LENG8: variants seen among roughly 807,000 people sequenced by gnomAD.
The protein encoded by LENG8 is leukocyte receptor cluster member 8.
A neutral mutation model predicts 102.1 loss-of-function variants in LENG8; 28 were observed. The ratio of observed to expected loss-of-function variants is 0.27; its 90% CI spans 0.20 to 0.38. LENG8 has a LOEUF of 0.38. Among genes scored for constraint, LENG8 ranks in the 10% least tolerant of loss-of-function variants. The probability of loss-of-function intolerance (pLI) is 1.00; values close to 1 mark genes in which losing one functional copy is unlikely to be tolerated. For synonymous variants in LENG8, 531 were observed against 456.7 expected, an observed-to-expected ratio of 1.16 and a Z score of -2.07; for missense variants, 1,022 against 1,113.9, an observed-to-expected ratio of 0.92 and a Z score of 1.17.
intron 10 of LENG8, 36 bp from the exon 11 acceptor site, chr19:54,456,600 C>A: frequency 6.3e-7 from 1 of 1,577,718 alleles, no homozygotes; most frequent in Non-Finnish European, 8.6e-7. Flanking sequence ...GGGCTGGAGA[C>A]GCCTGTCGCG....
rs764370659 is a variant in LENG8 at position 54,458,230 on chromosome 19, G to A, written c.2030G>A (p.Gly677Glu). 2 of 1,614,212 alleles carry A rather than the reference G, an allele frequency of 1.2e-6. No homozygotes were observed. Among genetic ancestry groups the A allele is most frequent in the South Asian group, 1.1e-5 (1 of 91,086 alleles). ...ILYYIFTKNSGDITTELAYLT... is the reference protein window; with the variant it reads ...ILYYIFTKNSEDITTELAYLT... ...TACTACATCTTCACCAAGAACTCGG[G>A]AGGTGAGGCCCAGTCCCCAGGACAG... Residue 677 changes from glycine to glutamate, a missense_variant and splice_region_variant, in exon 14 of 16, where the codon GGA becomes GAA. Physicochemically the swap from Gly to Glu is moderately conservative, Grantham distance 98. Around this residue, in one of 7 missense-constraint regions of LENG8, gnomAD observed 158 missense variants for 229.0 expected, o/e 0.69. Coordinates refer to ENST00000326764, the MANE Select transcript of LENG8 (RefSeq NM_052925.4).
chr19:54,460,156 G>T (rs1005659271), intron 15 of LENG8: 2 of 1,290,016 alleles, frequency 1.6e-6, no homozygotes, highest in Non-Finnish European at 2.0e-6. Flanking sequence ...CGGGTTCTAG[G>T]ACTTAGTGCC....
intron 11 of LENG8, among the ~76,000 whole-genome samples, chr19:54,457,134 G>C (rs2084292335): frequency 6.6e-6 from 1 of 152,262 alleles, no homozygotes; most frequent in African/African-American, 2.4e-5. Context: ...AGCTTGGCCG[G>C]CGAATCGCTT....
chr19:54,457,691 C>A, intron 11 of LENG8, 56 bp from the exon 12 acceptor site: 1 of 1,240,464 alleles, frequency 8.1e-7, no homozygotes, highest in Non-Finnish European at 1.2e-6. Flanking sequence ...AAGTGGAAGC[C>A]GTTGGCCACG....
chr19:54,458,155 C>T lies in LENG8; in HGVS notation c.1955C>T (p.Ala652Val), dbSNP rs1161449088. The T allele has an allele frequency of 1.2e-6, 2 of 1,614,170 alleles. No individual in the cohort carries two copies. Among genetic ancestry groups the T allele is most frequent in the South Asian group, 2.2e-5 (2 of 91,090 alleles). Residue 652 changes from alanine to valine, a missense_variant, in exon 14 of 16, where the codon GCC becomes GTC. By Grantham distance (64) the Ala-to-Val change is moderately conservative. Transcript: ENST00000326764. Reference sequence around the variant, plus strand: ...CAGACGCAGCTCAAGTCGCTGTACGCCGAGAACTTGCCTGGCAATGTGGGC... The same window carrying T: ...CAGACGCAGCTCAAGTCGCTGTACGTCGAGAACTTGCCTGGCAATGTGGGC... Reference protein sequence around the residue: ...QCQTQLKSLYAENLPGNVGEF... With the variant: ...QCQTQLKSLYVENLPGNVGEF...
In LENG8 at chr19:54,454,665, T is replaced by C. The variant is rs773402104; in HGVS notation, c.662T>C (p.Leu221Pro). 1 of 1,600,160 alleles carries C rather than the reference T, an allele frequency of 6.2e-7. No homozygotes were observed. Among genetic ancestry groups the C allele is most frequent in the African/African-American group, 1.3e-5 (1 of 74,802 alleles). The change falls in exon 6 of 16, where the codon CTG (leucine) becomes CCG (proline). Residue 221 changes from leucine to proline, a missense_variant. Physicochemically the swap from Leu to Pro is moderately conservative, Grantham distance 98. Transcript: ENST00000326764. ...EPAKPKKGQQ[L>P]WNRMKPAPGT... ...GCCAAGCCCAAGAAGGGCCAACAGC[T>C]GTGGAACCGCATGAAACGTAAGTTG... is the stretch of plus-strand genomic sequence containing the variant.
chr19:54,455,943 C>T lies in LENG8; in HGVS notation c.1026-24C>T, dbSNP rs532105931. The T allele has an allele frequency of 1.0e-4, 164 of 1,597,118 alleles. No homozygotes were observed. The South Asian group carries it at 1.4e-3, about 14-fold the overall frequency. The stretch of plus-strand genomic sequence containing the variant: ...TGCCAGTGTCTGGCGGGGTTGGTGA[C>T]GCCCTGCCCTGCTGTATTCTCAGGC... On this transcript the variant is annotated intron_variant, in intron 8 of 15. Coordinates refer to ENST00000326764, the MANE Select transcript of LENG8 (RefSeq NM_052925.4).
At chr19:54,458,750 C>G in intron 15 of LENG8, 1 of 1,551,352 alleles carries the variant, frequency 6.4e-7, no homozygotes, top group South Asian at 1.2e-5. Flanking sequence ...CCCACTGTTC[C>G]CAGCTCACTG....
intron 8 of LENG8, 104 bp from the exon 9 acceptor site, chr19:54,455,863 T>A: frequency 7.9e-7 from 1 of 1,271,198 alleles, no homozygotes; most frequent in Non-Finnish European, 1.1e-6. Context: ...CTGGGGTAAG[T>A]GCCTTTCCTT....
intron 5 of LENG8, 145 bp from the exon 6 acceptor site, chr19:54,454,285 G>T: frequency 1.4e-6 from 1 of 728,646 alleles, no homozygotes; most frequent in Admixed American, 2.7e-5. Context: ...AGTTACTGAG[G>T]ACTCGAATGA....
In LENG8 at chr19:54,460,827, G is replaced by T. The variant is rs761761364; in HGVS notation, c.2302G>T (p.Ala768Ser). The T allele has an allele frequency of 1.3e-6, 2 of 1,576,248 alleles. No homozygotes were observed. The highest frequency in any genetic ancestry group is 8.6e-7 in the Non-Finnish European group (1 of 1,162,366). The change falls in exon 16 of 16, where the codon GCC (alanine) becomes TCC (serine). Residue 768 changes from alanine (A) to serine (S), a missense_variant. Transcript: ENST00000326764. ...CGAGCTGGCCTTCGAGGGCGAGGCC[G>T]CCTGCCGGGCCTTCCTAGAGCCCCT... is the stretch of plus-strand genomic sequence containing the variant. Reference protein sequence around the residue: ...QAELAFEGEAACRAFLEPLGL... With the variant: ...QAELAFEGEASCRAFLEPLGL...
chr19:54,460,691 G>T (rs2084491349), intron 15 of LENG8, 75 bp from the exon 16 acceptor site: 1 of 1,449,070 alleles, frequency 6.9e-7, no homozygotes, highest in Non-Finnish European at 9.1e-7. Flanking sequence ...CGAATGGGGG[G>T]GCCTCCCCGC....
In LENG8 at chr19:54,460,348, G is replaced by A. The variant is rs183286502; in HGVS notation, c.2241-418G>A. On this transcript the variant is annotated intron_variant, in intron 15 of 15. Coordinates refer to ENST00000326764, the MANE Select transcript of LENG8 (RefSeq NM_052925.4). ...GGTGAGTGCTAGCTGGCACCCCTGC[G>A]CCTGGCTTCCCAGACACTGTAACGC... is the stretch of plus-strand genomic sequence containing the variant. 5.1e-4 allele frequency: 610 copies of A among 1,206,574 alleles called. 1 individual carries two copies. In the African/African-American group the frequency reaches 8.4e-3, roughly 17 times the overall value. 74.7% of individuals were successfully genotyped at this position (1,206,574 alleles called of 1,614,324 possible).
Position 54,461,462 on chromosome 19 carries a change from G to C in LENG8, c.*534G>C, listed in dbSNP as rs938483095. ...GGTGGGGGAGCTGCTTAGAGACTGTGCCCGTCCTCGGCCCCCCACCCTGAA... is the reference window on the plus strand; with the variant it reads ...GGTGGGGGAGCTGCTTAGAGACTGTCCCCGTCCTCGGCCCCCCACCCTGAA... On this transcript the variant is annotated 3_prime_UTR_variant, in exon 16 of 16. Coordinates refer to ENST00000326764, the MANE Select transcript of LENG8 (RefSeq NM_052925.4). 5.6e-5 allele frequency: 26 copies of C among 461,202 alleles called. No individual in the cohort carries two copies. Among genetic ancestry groups the C allele is most frequent in the Middle Eastern group, 3.2e-4 (1 of 3,084 alleles). The allele number at this position is 461,202 out of a possible 1,614,324, so 28.6% of individuals were successfully genotyped here. A position where few individuals can be genotyped will look rare whatever the true frequency, so the allele number is the denominator to read the frequency against.
chr19:54,456,341 T>C lies in LENG8; in HGVS notation c.1321T>C (p.Ser441Pro), dbSNP rs751555679. The change falls in exon 10 of 16, where the codon TCC becomes CCC. Residue 441 changes from serine to proline, a missense_variant. Ser to Pro is a moderately conservative substitution (Grantham distance 74, BLOSUM62 -1). Coordinates refer to ENST00000326764, the MANE Select transcript of LENG8 (RefSeq NM_052925.4). ...HFRRSDSHSD[S>P]DSSYSGNECH... Reference sequence around the variant, plus strand: ...TTCCTGCAGTGACTCCCACTCAGACTCCGACAGCTCCTACTCAGGGAATGA... The same window carrying C: ...TTCCTGCAGTGACTCCCACTCAGACCCCGACAGCTCCTACTCAGGGAATGA... The C allele has an allele frequency of 6.2e-7, 1 of 1,613,868 alleles. No homozygotes were observed. The highest frequency in any genetic ancestry group is 8.5e-7 in the Non-Finnish European group (1 of 1,179,996).
chr19:54,452,407 G>A (rs981671521), intron 3 of LENG8, 140 bp downstream of exon 3: 40 of 855,942 alleles, frequency 4.7e-5, no homozygotes, highest in Non-Finnish European at 6.8e-5. Flanking sequence ...AAATCTGAAC[G>A]GGAAAAAGTT....
intron 2 of LENG8, chr19:54,451,877 C>G (rs1482242146): frequency 1.9e-6 from 1 of 517,152 alleles, no homozygotes; most frequent in African/African-American, 1.9e-5. Flanking sequence ...GTGCCAGGCT[C>G]TGGGATAAGT....
At position 54,456,045 on chromosome 19, in the gene LENG8, G is replaced by T. The variant is rs756687351; in HGVS notation, c.1104G>T (p.Gly368=). 7.4e-6 allele frequency: 12 copies of T among 1,611,726 alleles called. No individual in the cohort carries two copies. The highest frequency in any genetic ancestry group is 1.0e-5 in the Non-Finnish European group (12 of 1,178,608). Residue 368 remains glycine (G), a synonymous_variant, in exon 9 of 16, where the codon GGG becomes GGT. Coordinates refer to ENST00000326764, the MANE Select transcript of LENG8 (RefSeq NM_052925.4). The part of the protein sequence containing the change: ...EAASSLHPPR[G]AGSATRGGGA... Reference sequence around the variant, plus strand: ...CTAGCAGCCTTCACCCTCCTAGAGGGGCAGGCTCGGCGACAAGGGGCGGGG... The same window carrying T: ...CTAGCAGCCTTCACCCTCCTAGAGGTGCAGGCTCGGCGACAAGGGGCGGGG...
At chr19:54,457,062 C>A in intron 11 of LENG8, 141 bp downstream of exon 11, 1 of 1,020,610 alleles carries the variant, frequency 9.8e-7, no homozygotes, top group South Asian at 1.7e-5. Context: ...CTCGGCTGGT[C>A]GGCATTCTGA....
Sources: gnomAD v4.1 joint callset for allele counts (sites outside exome capture counted in the v4.1 genomes callset) on GRCh38, gnomAD v4.1.1 for gene constraint, gnomAD v4.1.1 regional missense constraint, MANE v1.5 for transcripts, NCBI Gene and HGNC (gene_info 2026-07-23, HGNC 2026-07-21) for gene names.